MCTP1: variants seen among roughly 807,000 people sequenced by gnomAD.
MCTP1 encodes multiple C2 and transmembrane domain-containing protein 1.
MCTP1 carries 69 observed loss-of-function variants against 120.6 expected under a neutral mutation model. The ratio of observed to expected loss-of-function variants is 0.57; its 90% CI spans 0.47 to 0.70. The LOEUF is 0.70. MCTP1 is among the 30% of genes least tolerant of loss of function. The pLI, the probability that MCTP1 is intolerant of heterozygous loss-of-function variation, is 0.00. For missense variants in MCTP1, 1,203 were observed against 1,248.8 expected (o/e 0.96, Z 0.55); for synonymous variants, 529 against 493.1 (o/e 1.07, Z -0.96).
intron 18 of MCTP1, among the ~76,000 whole-genome samples, chr5:94,788,474 T>C (rs1778214977): frequency 6.6e-6 from 1 of 152,224 alleles, no homozygotes; most frequent in Non-Finnish European, 1.5e-5. Flanking sequence ...TTTCCACTTT[T>C]AGCTTGTTAA....
chr5:95,272,160 T>C lies in MCTP1; in HGVS notation c.720+11696A>G, dbSNP rs117648719. On this transcript the variant is annotated intron_variant, in intron 1 of 22. Coordinates refer to ENST00000515393, the MANE Select transcript of MCTP1 (RefSeq NM_024717.7). ...AACCATGCCTGGTAAAGGTATCCTCTCTGTGTGTGCATACGTGTGTATAAG... is the reference window on the plus strand; with the variant it reads ...AACCATGCCTGGTAAAGGTATCCTCCCTGTGTGTGCATACGTGTGTATAAG... Among the ~76,000 whole-genome samples, 6 of 152,354 alleles carry C rather than the reference T, an allele frequency of 3.9e-5. No homozygotes were observed. The East Asian group carries it at 7.7e-4, about 20-fold the overall frequency.
At chr5:94,968,466 A>G (rs1296348070) in intron 2 of MCTP1, among the ~76,000 whole-genome samples, 1 of 152,182 alleles carries the variant, frequency 6.6e-6, no homozygotes, top group African/African-American at 2.4e-5. Flanking sequence ...TAGGGAAATT[A>G]CACGTTTTCA....
chr5:94,775,425 TG>T (rs1273110644), intron 19 of MCTP1, among the ~76,000 whole-genome samples: 3 of 152,196 alleles, frequency 2.0e-5, no homozygotes, highest in African/African-American at 7.2e-5. Context: ...ATCTATAACA[TG>T]GTGAAAAACA....
Position 95,275,511 on chromosome 5 carries a change from T to A in MCTP1, c.720+8345A>T, listed in dbSNP as rs117225005. On this transcript the variant is annotated intron_variant, in intron 1 of 22. Transcript: ENST00000515393. ...TGGAGTTTGAAATCCCTGCTTTAGATCAGTGTTATCCAATAAAAATACAAG... is the reference window on the plus strand; with the variant it reads ...TGGAGTTTGAAATCCCTGCTTTAGAACAGTGTTATCCAATAAAAATACAAG... Among the ~76,000 whole-genome samples the A allele has an allele frequency of 1.3e-3, 201 of 152,330 alleles. 2 individuals are homozygous for A. In the East Asian group the frequency reaches 0.034, roughly 26 times the overall value.
chr5:94,734,126 T>C (rs1763695087), intron 19 of MCTP1, among the ~76,000 whole-genome samples: 1 of 152,178 alleles, frequency 6.6e-6, no homozygotes, highest in Admixed American at 6.5e-5. Flanking sequence ...CAATGCGCAC[T>C]AAATGTACCA....
At chr5:94,877,375 G>A (rs1194403027) in intron 12 of MCTP1, among the ~76,000 whole-genome samples, 1 of 151,688 alleles carries the variant, frequency 6.6e-6, no homozygotes, top group Non-Finnish European at 1.5e-5. Context: ...TAAATACTAA[G>A]GGCTATTTTT....
chr5:94,771,783 T>C (rs1031267515), intron 19 of MCTP1, among the ~76,000 whole-genome samples: 5 of 152,206 alleles, frequency 3.3e-5, no homozygotes, highest in African/African-American at 1.2e-4. Flanking sequence ...TAGTTTCCTA[T>C]TGCTGCTGTA....
chr5:95,014,651 A>G (rs1350243620), intron 2 of MCTP1, among the ~76,000 whole-genome samples: 4 of 152,158 alleles, frequency 2.6e-5, no homozygotes, highest in Non-Finnish European at 5.9e-5. Flanking sequence ...GTTCCTAGCC[A>G]TAAAATACTC....
At position 94,707,508 on chromosome 5, in the gene MCTP1, G is replaced by T; in HGVS notation, c.2988C>A (p.Asn996Lys). The T allele has an allele frequency of 6.2e-7, 1 of 1,611,364 alleles. No homozygotes were observed. Among genetic ancestry groups the T allele is most frequent in the Non-Finnish European group, 8.5e-7 (1 of 1,178,160 alleles). ...PSHSPYKRKKNNLG is the reference protein window; with the variant it reads ...PSHSPYKRKKKNLG ...TGCTGGGAGCTGGCTAGCCAAGATT[G>T]TTTTTCTTTCTTTTATATGGGCTAT... is the stretch of plus-strand genomic sequence containing the variant. The change falls in exon 23 of 23, where the codon AAC (asparagine) becomes AAA (lysine). Residue 996 changes from asparagine (N) to lysine (K), a missense_variant. Asn to Lys is a moderately conservative substitution (Grantham distance 94). Coordinates refer to ENST00000515393, the MANE Select transcript of MCTP1 (RefSeq NM_024717.7).
chr5:95,193,454 G>T (rs148992998), intron 1 of MCTP1, among the ~76,000 whole-genome samples: 1,592 of 152,256 alleles, frequency 0.01, 13 homozygotes, highest in Middle Eastern at 0.031. Flanking sequence ...AAAAGTACAG[G>T]ATGAGGTTAA....
chr5:95,042,552 T>C (rs1481781285), intron 1 of MCTP1, among the ~76,000 whole-genome samples: 1 of 152,236 alleles, frequency 6.6e-6, no homozygotes, highest in East Asian at 1.9e-4. Context: ...GTAATGTTTA[T>C]ATCAGGGTGT....
At chr5:95,072,705 G>T (rs1025791392) in intron 1 of MCTP1, among the ~76,000 whole-genome samples, 6 of 142,218 alleles carry the variant, frequency 4.2e-5, no homozygotes, top group South Asian at 2.3e-4. Context: ...AACCTCAACT[G>T]TTCTAGCTCC....
chr5:94,965,128 T>C (rs1825276572), intron 2 of MCTP1, among the ~76,000 whole-genome samples: 2 of 152,172 alleles, frequency 1.3e-5, no homozygotes, highest in African/African-American at 4.8e-5. Flanking sequence ...TTTCTTATAA[T>C]CGAGGTTTAG....
intron 1 of MCTP1, among the ~76,000 whole-genome samples, chr5:95,255,939 G>A (rs1011405908): frequency 2.0e-5 from 3 of 152,096 alleles, no homozygotes; most frequent in South Asian, 2.1e-4. Flanking sequence ...CAAGCACAAC[G>A]GAAGTGTTCG....
chr5:95,095,245 G>A (rs539322588), intron 1 of MCTP1, among the ~76,000 whole-genome samples: 52 of 151,616 alleles, frequency 3.4e-4, no homozygotes, highest in Non-Finnish European at 7.1e-4. Flanking sequence ...GGATGGTCTC[G>A]ATCTCCTGAC....
chr5:94,926,323 C>T (rs1037590315), intron 6 of MCTP1, among the ~76,000 whole-genome samples: 1 of 152,126 alleles, frequency 6.6e-6, no homozygotes, highest in African/African-American at 2.4e-5. Context: ...ATTACAAAAG[C>T]ATGCTTTCAT....
chr5:94,894,664 C>A lies in MCTP1; in HGVS notation c.1824G>T (p.Glu608Asp). 2 of 1,605,404 alleles carry A rather than the reference C, an allele frequency of 1.2e-6. No individual in the cohort carries two copies. Among genetic ancestry groups the A allele is most frequent in the Non-Finnish European group, 1.7e-6 (2 of 1,173,178 alleles). Reference sequence around the variant, plus strand: ...ACATACGTACATATCTCTTTAATATCTCCTCTCGTTCCTTCTGGTCCTCCA... The same window carrying A: ...ACATACGTACATATCTCTTTAATATATCCTCTCGTTCCTTCTGGTCCTCCA... Reference protein sequence around the residue: ...NSLEDQKEREEILKRYSPLRI... With the variant: ...NSLEDQKEREDILKRYSPLRI... The change falls in exon 11 of 23, where the codon GAG becomes GAT. Residue 608 changes from glutamate to aspartate, a missense_variant. Coordinates refer to ENST00000515393, the MANE Select transcript of MCTP1 (RefSeq NM_024717.7).
rs552592783 is a variant in MCTP1, at chr5:95,095,279, T to C, written c.721-77795A>G. ...ACCTCGTGATCCACCCGCCTCGGCC[T>C]CCCAAAGTGCTGGGATTACAGGCGT... On this transcript the variant is annotated intron_variant, in intron 1 of 22. Transcript: ENST00000515393. 4.1e-3 allele frequency among the ~76,000 whole-genome samples: 629 copies of C among 152,218 alleles called. 6 individuals are homozygous for C. The highest frequency in any genetic ancestry group is 0.015 in the African/African-American group (615 of 41,522).
chr5:94,817,410 A>G (rs1275068993), intron 17 of MCTP1, among the ~76,000 whole-genome samples: 1 of 85,812 alleles, frequency 1.2e-5, no homozygotes, highest in Non-Finnish European at 2.4e-5. Context: ...TTGTCTCAAA[A>G]CAAACAAACA....
Sources: gnomAD v4.1 joint callset for allele counts (sites outside exome capture counted in the v4.1 genomes callset) on GRCh38, gnomAD v4.1.1 for gene constraint, MANE v1.5 for transcripts, NCBI Gene and HGNC (gene_info 2026-07-23, HGNC 2026-07-21) for gene names.